The following FSTL4 variants were observed in gnomAD, a reference collection of about 807,000 sequenced individuals.
FSTL4 encodes the protein follistatin-related protein 4.
In FSTL4, 28 loss-of-function variants were observed where a neutral mutation model predicts 78.2. That is an observed-to-expected ratio of 0.36 (90% CI 0.27 to 0.49). FSTL4 has a LOEUF of 0.49. FSTL4 is among the 20% of genes least tolerant of loss of function. The pLI is 0.98. For synonymous variants in FSTL4, 422 were observed against 440.5 expected (o/e 0.96, Z 0.53); for missense variants, 922 against 1,084.9 (o/e 0.85, Z 2.11).
chr5:133,314,062 G>T (rs758217716), intron 5 of FSTL4, among the ~76,000 whole-genome samples: 1 of 152,230 alleles, frequency 6.6e-6, no homozygotes, highest in Non-Finnish European at 1.5e-5. Context: ...GCCTGGTAAG[G>T]CTCTGTTTAC....
chr5:133,535,158 C>T (rs1454282835), intron 3 of FSTL4, among the ~76,000 whole-genome samples: 1 of 152,226 alleles, frequency 6.6e-6, no homozygotes. Flanking sequence ...TATCTACAAG[C>T]CAGGTAGAGC....
At chr5:133,567,047 A>G (rs1363457696) in intron 3 of FSTL4, 139 bp downstream of exon 3, 1 of 700,740 alleles carries the variant, frequency 1.4e-6, no homozygotes, top group South Asian at 1.6e-5. Flanking sequence ...ACAAGTGCTA[A>G]GCAGTCAGCA....
At chr5:133,591,309 A>C (rs1357011481) in intron 2 of FSTL4, among the ~76,000 whole-genome samples, 1 of 152,146 alleles carries the variant, frequency 6.6e-6, no homozygotes, top group Non-Finnish European at 1.5e-5. Flanking sequence ...AAAGCAGGGG[A>C]GCAAAGATTT....
chr5:133,202,910 A>G (rs1490868782), intron 14 of FSTL4, among the ~76,000 whole-genome samples: 1 of 152,206 alleles, frequency 6.6e-6, no homozygotes, highest in African/African-American at 2.4e-5. Flanking sequence ...GGAAGGCACA[A>G]TGGCAGCTCT....
At chr5:133,627,684 T>G in the FSTL4 span, among the ~76,000 whole-genome samples, 1 of 152,202 alleles carries the variant, frequency 6.6e-6, no homozygotes, top group African/African-American at 2.4e-5. Context: ...TGTTTTTTAA[T>G]CCATTCTGAA....
At chr5:133,604,834 A>C (rs1760943153) in intron 1 of FSTL4, among the ~76,000 whole-genome samples, 1 of 151,764 alleles carries the variant, frequency 6.6e-6, no homozygotes, top group Admixed American at 6.6e-5. Flanking sequence ...TAGTTTCAAG[A>C]CCAACCATTT....
the FSTL4 span, among the ~76,000 whole-genome samples, chr5:133,732,103 GC>G: frequency 3.1e-3 from 468 of 152,314 alleles, 7 homozygotes; most frequent in Admixed American, 0.017. Flanking sequence ...GTAGGACCCT[GC>G]TAAGGTCAAT....
chr5:133,782,071 C>A, the FSTL4 span, among the ~76,000 whole-genome samples: 2 of 152,312 alleles, frequency 1.3e-5, no homozygotes, highest in East Asian at 3.9e-4. Flanking sequence ...TTACCCACCC[C>A]CACTGCTTCT....
In FSTL4 at chr5:133,196,733, T is replaced by G. The variant is rs1030081424; in HGVS notation, c.*2362A>C. On this transcript the variant is annotated 3_prime_UTR_variant, in exon 16 of 16. Transcript: ENST00000265342. ...CAGGCCAGTCTGGCCTTCCTCCTCT[T>G]CCTCCTTCTCCTCCCACCCCTGACT... The G allele has an allele frequency of 2.0e-5, 3 of 152,254 alleles. No homozygotes were observed. The highest frequency in any genetic ancestry group is 2.1e-4 in the South Asian group (1 of 4,830). 9.4% of individuals were successfully genotyped at this position (152,254 alleles called of 1,614,324 possible). A position where few individuals can be genotyped will look rare whatever the true frequency, so the allele number is the denominator to read the frequency against.
intron 3 of FSTL4, among the ~76,000 whole-genome samples, chr5:133,465,680 C>G (rs1212347469): frequency 2.6e-5 from 4 of 152,208 alleles, no homozygotes; most frequent in Non-Finnish European, 2.9e-5. Context: ...GGTAAGGGAG[C>G]AGTTCCTCTC....
At chr5:133,414,626 G>A (rs1756540619) in intron 3 of FSTL4, among the ~76,000 whole-genome samples, 1 of 152,180 alleles carries the variant, frequency 6.6e-6, no homozygotes, top group Non-Finnish European at 1.5e-5. Context: ...GCACATCAGT[G>A]TTTAAAAGGA....
the FSTL4 span, among the ~76,000 whole-genome samples, chr5:133,837,647 A>C: frequency 6.6e-6 from 1 of 152,116 alleles, no homozygotes; most frequent in African/African-American, 2.4e-5. Flanking sequence ...GGTCAACTTT[A>C]CTCTTATAAA....
intron 3 of FSTL4, chr5:133,458,021 A>C (rs1298324161): frequency 6.6e-6 from 1 of 152,210 alleles, no homozygotes; most frequent in Non-Finnish European, 1.5e-5. Context: ...TCCGACAAGC[A>C]TCTATCTATC....
intron 6 of FSTL4, among the ~76,000 whole-genome samples, chr5:133,273,326 T>C (rs770487636): frequency 4.7e-4 from 71 of 152,392 alleles, no homozygotes; most frequent in Non-Finnish European, 8.4e-4. Context: ...TAAAATCTAA[T>C]GTGTATTTTA....
At chr5:133,418,348 A>G (rs1238056619) in intron 3 of FSTL4, among the ~76,000 whole-genome samples, 2 of 152,096 alleles carry the variant, frequency 1.3e-5, no homozygotes, top group Admixed American at 6.6e-5. Context: ...GACAAATTAG[A>G]TAAAATGAAA....
the FSTL4 span, among the ~76,000 whole-genome samples, chr5:133,724,694 C>G: frequency 1.3e-5 from 2 of 152,086 alleles, no homozygotes; most frequent in African/African-American, 2.4e-5. Context: ...TTAACAGTAT[C>G]TTTAAAAGAA....
At chr5:133,542,961 G>A (rs753827268) in intron 3 of FSTL4, among the ~76,000 whole-genome samples, 2 of 142,062 alleles carry the variant, frequency 1.4e-5, no homozygotes, top group South Asian at 2.3e-4. Flanking sequence ...TTTTATTATT[G>A]TTCTTTATTA....
chr5:133,418,477 C>A (rs1756625050), intron 3 of FSTL4, among the ~76,000 whole-genome samples: 1 of 151,684 alleles, frequency 6.6e-6, no homozygotes, highest in Non-Finnish European at 1.5e-5. Flanking sequence ...CAATTTCATT[C>A]ATAATACCAC....
chr5:133,607,147 T>A (rs1327251708), intron 1 of FSTL4, among the ~76,000 whole-genome samples: 1 of 152,246 alleles, frequency 6.6e-6, no homozygotes, highest in Non-Finnish European at 1.5e-5. Flanking sequence ...TAGCTCAGTC[T>A]GTCTACCACT....
Sources: allele counts gnomAD v4.1 joint callset (sites outside exome capture counted in the v4.1 genomes callset), GRCh38; gene constraint gnomAD v4.1.1; transcripts MANE v1.5; gene names NCBI Gene and HGNC (gene_info 2026-07-23, HGNC 2026-07-21).